XKR4: variants seen among roughly 807,000 people sequenced by gnomAD.
XKR4 encodes the protein XK related 4.
In XKR4, 12 loss-of-function variants were observed where a neutral mutation model predicts 53.9. That is an observed-to-expected ratio of 0.22 (90% CI 0.14 to 0.36). XKR4 has a LOEUF of 0.36. Among genes scored for constraint, XKR4 ranks in the 10% least tolerant of loss-of-function variants. XKR4 has a pLI of 1.00. For missense variants in XKR4, 799 were observed against 859.5 expected, an observed-to-expected ratio of 0.93 and a Z score of 0.88; for synonymous variants, 354 against 362.4, an observed-to-expected ratio of 0.98 and a Z score of 0.26.
intron 1 of XKR4, among the ~76,000 whole-genome samples, chr8:55,311,315 C>T (rs1819384904): frequency 6.6e-6 from 1 of 152,162 alleles, no homozygotes; most frequent in Non-Finnish European, 1.5e-5. Context: ...CAGGAGAGGG[C>T]CTCAGTTCAG....
chr8:55,355,542 A>G (rs911948873), intron 1 of XKR4, among the ~76,000 whole-genome samples: 3 of 152,366 alleles, frequency 2.0e-5, no homozygotes, highest in African/African-American at 4.8e-5. Flanking sequence ...AAATGGATGC[A>G]GAACAGCCGA....
At chr8:55,504,192 G>GTT (rs752619991) in intron 2 of XKR4, among the ~76,000 whole-genome samples, 2 of 89,304 alleles carry the variant, frequency 2.2e-5, no homozygotes, top group Non-Finnish European at 5.3e-5. Context: ...TGTTGTTTTT[G>GTT]TTTTGTTTTG....
chr8:55,392,925 G>A (rs980663521), intron 2 of XKR4, among the ~76,000 whole-genome samples: 1 of 152,110 alleles, frequency 6.6e-6, no homozygotes, highest in Admixed American at 6.6e-5. Flanking sequence ...AAGTTAAGAA[G>A]TAAGCATTTA....
rs1806898857 is a variant in XKR4 at position 55,527,862 on chromosome 8, AG to A, written c.*3637del. 1 of 152,224 alleles carries A rather than the reference AG, an allele frequency of 6.6e-6. No homozygotes were observed. Among genetic ancestry groups the A allele is most frequent in the African/African-American group, 2.4e-5 (1 of 41,458 alleles). The allele number at this position is 152,224 out of a possible 1,614,324, so 9.4% of individuals were successfully genotyped here. On this transcript the variant is annotated 3_prime_UTR_variant, in exon 3 of 3. Transcript: ENST00000327381. The stretch of plus-strand genomic sequence containing the variant: ...CCAATTTATTTTGCTCTATGAGTAA[AG>A]GAAGTGATTGCACAGAACAATTAAA...
At chr8:55,192,717 G>A (rs748745213) in intron 1 of XKR4, among the ~76,000 whole-genome samples, 9 of 152,148 alleles carry the variant, frequency 5.9e-5, no homozygotes, top group Admixed American at 1.3e-4. Context: ...CTTTAATCTC[G>A]GGGTCATTAT....
At chr8:55,472,479 C>G (rs898336689) in intron 2 of XKR4, among the ~76,000 whole-genome samples, 1 of 152,052 alleles carries the variant, frequency 6.6e-6, no homozygotes, top group Non-Finnish European at 1.5e-5. Context: ...ACAAGATACC[C>G]AGAATCCTAA....
intron 1 of XKR4, among the ~76,000 whole-genome samples, chr8:55,255,748 G>T (rs149237933): frequency 1.3e-5 from 2 of 152,110 alleles, no homozygotes; most frequent in Non-Finnish European, 2.9e-5. Context: ...TTAGCAAGGA[G>T]CTCTTTGTTT....
intron 1 of XKR4, among the ~76,000 whole-genome samples, chr8:55,148,761 G>A (rs1816804684): frequency 6.6e-6 from 1 of 152,014 alleles, no homozygotes; most frequent in African/African-American, 2.4e-5. Flanking sequence ...CCATGAAGTG[G>A]TCAATTAGCT....
intron 1 of XKR4, among the ~76,000 whole-genome samples, chr8:55,131,269 T>C (rs1369252391): frequency 6.6e-6 from 1 of 152,206 alleles, no homozygotes; most frequent in African/African-American, 2.4e-5. Flanking sequence ...GTGATTCATA[T>C]GCACTTTAAA....
chr8:55,255,686 G>T (rs951981351), intron 1 of XKR4, among the ~76,000 whole-genome samples: 7 of 152,026 alleles, frequency 4.6e-5, no homozygotes, highest in Admixed American at 2.0e-4. Flanking sequence ...AAACATAAAA[G>T]TAAGCCCCTC....
chr8:55,333,981 T>C (rs1349918893), intron 1 of XKR4, among the ~76,000 whole-genome samples: 1 of 152,208 alleles, frequency 6.6e-6, no homozygotes, highest in African/African-American at 2.4e-5. Context: ...TATAAAATTA[T>C]TTTAGCCACT....
intron 2 of XKR4, among the ~76,000 whole-genome samples, chr8:55,378,084 C>T (rs1374825524): frequency 6.6e-6 from 1 of 152,122 alleles, no homozygotes; most frequent in Non-Finnish European, 1.5e-5. Flanking sequence ...TCCCCATGAA[C>T]AGTGTGAATG....
intron 1 of XKR4, among the ~76,000 whole-genome samples, chr8:55,353,094 T>C (rs1175543146): frequency 5.3e-5 from 8 of 152,164 alleles, no homozygotes; most frequent in African/African-American, 9.7e-5. Flanking sequence ...GAGTTTGAGA[T>C]GCAGACTTGG....
chr8:55,511,179 C>T (rs1806620453), intron 2 of XKR4, among the ~76,000 whole-genome samples: 1 of 152,122 alleles, frequency 6.6e-6, no homozygotes, highest in Non-Finnish European at 1.5e-5. Flanking sequence ...CAGTCCCTTC[C>T]CACCCCAGAC....
At chr8:55,400,356 A>G (rs1386456049) in intron 2 of XKR4, among the ~76,000 whole-genome samples, 1 of 152,124 alleles carries the variant, frequency 6.6e-6, no homozygotes, top group Non-Finnish European at 1.5e-5. Flanking sequence ...AAAAATGTCT[A>G]GTTCAGATCT....
At chr8:55,294,651 T>C (rs1184596158) in intron 1 of XKR4, among the ~76,000 whole-genome samples, 1 of 152,218 alleles carries the variant, frequency 6.6e-6, no homozygotes, top group Non-Finnish European at 1.5e-5. Flanking sequence ...TATTCTTGCT[T>C]CCTTACTCCC....
intron 2 of XKR4, among the ~76,000 whole-genome samples, chr8:55,403,451 T>C (rs1220463478): frequency 2.0e-5 from 3 of 152,238 alleles, no homozygotes; most frequent in Admixed American, 1.3e-4. Flanking sequence ...TAGGCACCTG[T>C]CAGTGAAGGA....
chr8:55,512,141 C>T (rs532282278), intron 2 of XKR4, among the ~76,000 whole-genome samples: 5 of 152,310 alleles, frequency 3.3e-5, no homozygotes, highest in African/African-American at 1.2e-4. Flanking sequence ...CAGAAGTGAC[C>T]TCTGCATCCT....
rs1301872203 is a variant in XKR4 at position 55,537,395 on chromosome 8, A to G, written c.*13168A>G. 1 of 152,208 alleles carries G rather than the reference A, an allele frequency of 6.6e-6. No individual in the cohort carries two copies. The highest frequency in any genetic ancestry group is 2.4e-5 in the African/African-American group (1 of 41,438). 9.4% of individuals were successfully genotyped at this position (152,208 alleles called of 1,614,324 possible). A position where few individuals can be genotyped will look rare whatever the true frequency, so the allele number is the denominator to read the frequency against. On this transcript the variant is annotated 3_prime_UTR_variant, in exon 3 of 3. Transcript: ENST00000327381. ...CTAATTTGACACTGGGTTGGTGAGC[A>G]TTGTCTCAAATTTTGTGCTTGCCTC...
Sources: gnomAD v4.1 joint callset for allele counts (sites outside exome capture counted in the v4.1 genomes callset) on GRCh38, gnomAD v4.1.1 for gene constraint, MANE v1.5 for transcripts, NCBI Gene and HGNC (gene_info 2026-07-23, HGNC 2026-07-21) for gene names.